The following ABCA1 variants were observed in gnomAD, a reference collection of about 807,000 sequenced individuals.
ABCA1 encodes the protein phospholipid-transporting ATPase ABCA1.
A neutral mutation model predicts 262.5 loss-of-function variants in ABCA1; 133 were observed. The ratio of observed to expected loss-of-function variants is 0.51; its 90% CI spans 0.44 to 0.59. The LOEUF (loss-of-function observed/expected upper bound fraction) is 0.59. Among genes scored for constraint, ABCA1 ranks in the 20% least tolerant of loss-of-function variants. The pLI is 0.00. For synonymous variants in ABCA1, 1,022 were observed against 1,043.5 expected, an observed-to-expected ratio of 0.98 and a Z score of 0.40; for missense variants, 2,452 against 2,777.5, an observed-to-expected ratio of 0.88 and a Z score of 2.63.
chr9:104,854,084 G>A (rs577236500), intron 7 of ABCA1, among the ~76,000 whole-genome samples: 30 of 152,228 alleles, frequency 2.0e-4, no homozygotes, highest in African/African-American at 3.1e-4. Context: ...GACAGGAGGC[G>A]TCAGAGGTTT....
rs780534377 is a variant in ABCA1 at position 104,796,088 on chromosome 9, C to T, written c.5347G>A (p.Val1783Met). ...VNLFIGINGSVATFVLELFTD... is the reference protein window; with the variant it reads ...VNLFIGINGSMATFVLELFTD... ...AACAGCTCCAGCACAAAGGTGGCCA[C>T]GCTGCCATTAATGCCAATGAAGAGG... Residue 1783 changes from valine (V) to methionine (M), a missense_variant, in exon 39 of 50, where the codon GTG becomes ATG. By Grantham distance (21) the Val-to-Met change is conservative. This residue lies in a region of ABCA1 where 752 missense variants were observed against 944.5 expected (regional missense o/e 0.80). Transcript: ENST00000374736. 39 of 1,613,072 alleles carry T rather than the reference C, an allele frequency of 2.4e-5. No homozygotes were observed. The highest frequency in any genetic ancestry group is 8.8e-5 in the South Asian group (8 of 91,046).
chr9:104,883,619 T>C (rs1162032208), intron 4 of ABCA1, among the ~76,000 whole-genome samples: 5 of 152,244 alleles, frequency 3.3e-5, no homozygotes, highest in Non-Finnish European at 7.3e-5. Flanking sequence ...ATATTCATCT[T>C]TATACCAATG....
intron 7 of ABCA1, among the ~76,000 whole-genome samples, chr9:104,848,465 A>T (rs1051081430): frequency 6.6e-6 from 1 of 152,066 alleles, no homozygotes; most frequent in Non-Finnish European, 1.5e-5. Context: ...AAGTACAAAA[A>T]TTAGCCAGGC....
At chr9:104,880,890 C>A (rs933948643) in intron 5 of ABCA1, among the ~76,000 whole-genome samples, 3 of 152,176 alleles carry the variant, frequency 2.0e-5, no homozygotes, top group Non-Finnish European at 4.4e-5. Flanking sequence ...GTGGCTCATG[C>A]CTGTAATCCC....
chr9:104,900,670 T>C (rs1295845012), intron 2 of ABCA1, among the ~76,000 whole-genome samples: 2 of 152,182 alleles, frequency 1.3e-5, no homozygotes, highest in African/African-American at 4.8e-5. Flanking sequence ...TCTGCAACTG[T>C]AGGGCCACCA....
chr9:104,896,665 A>G (rs547113636), intron 2 of ABCA1, among the ~76,000 whole-genome samples: 7 of 146,752 alleles, frequency 4.8e-5, no homozygotes, highest in Admixed American at 2.8e-4. Context: ...CTAAAACTAC[A>G]TATCAAATGA....
At chr9:104,804,434 T>G (rs1378303953) in intron 32 of ABCA1, among the ~76,000 whole-genome samples, 192 bp downstream of exon 32, 2 of 152,228 alleles carry the variant, frequency 1.3e-5, no homozygotes, top group Admixed American at 6.5e-5. Flanking sequence ...GCCTCAGCCT[T>G]GAAGCTGACA....
At chr9:104,875,201 G>A (rs916493906) in intron 5 of ABCA1, among the ~76,000 whole-genome samples, 1 of 151,882 alleles carries the variant, frequency 6.6e-6, no homozygotes, top group African/African-American at 2.4e-5. Flanking sequence ...AAATTAGCAG[G>A]GTGTTGTGGC....
At chr9:104,877,774 C>T (rs1255849236) in intron 5 of ABCA1, among the ~76,000 whole-genome samples, 1 of 152,230 alleles carries the variant, frequency 6.6e-6, no homozygotes, top group Non-Finnish European at 1.5e-5. Flanking sequence ...CCAAAGTTCA[C>T]ACTTCATGAG....
chr9:104,804,697 G>T lies in ABCA1; in HGVS notation c.4488C>A (p.Ile1496=). ...PPQRKQNTAD[I]LQDLTGRNIS... ...TGTTTCTTCCTGTCAGGTCCTGAAG[G>T]ATATCTGCAGTGTTTTGTTTTCTCT... The change falls in exon 32 of 50, where the codon ATC becomes ATA. Residue 1496 remains isoleucine (I), a synonymous_variant. Transcript: ENST00000374736. 6.2e-7 allele frequency: 1 copy of T among 1,614,140 alleles called. No individual in the cohort carries two copies. The highest frequency in any genetic ancestry group is 1.7e-5 in the Admixed American group (1 of 60,024).
chr9:104,907,709 C>T lies in ABCA1; in HGVS notation c.-92-3938G>A, dbSNP rs141060229. On this transcript the variant is annotated intron_variant, in intron 1 of 49. Transcript: ENST00000374736. ...GTGACTCCTGGGACATCCTGAAAAA[C>T]GTAATAGAATCTAAGTCTGTTTCCC... Among the ~76,000 whole-genome samples the T allele has an allele frequency of 2.1e-3, 325 of 152,310 alleles. 1 individual carries two copies. Among genetic ancestry groups the T allele is most frequent in the Middle Eastern group, 0.01 (3 of 294 alleles).
At chr9:104,920,570 G>A (rs1842089487) in intron 1 of ABCA1, among the ~76,000 whole-genome samples, 2 of 152,128 alleles carry the variant, frequency 1.3e-5, no homozygotes, top group African/African-American at 4.8e-5. Context: ...TCTGTGCAGT[G>A]GCACCATCTC....
chr9:104,882,365 T>G (rs1838759205), intron 5 of ABCA1, among the ~76,000 whole-genome samples: 1 of 152,242 alleles, frequency 6.6e-6, no homozygotes, highest in South Asian at 2.1e-4. Flanking sequence ...CTGGCTGCAC[T>G]CAGCCAGCTG....
chr9:104,829,242 G>T, intron 14 of ABCA1, 104 bp from the exon 15 acceptor site: 1 of 1,126,054 alleles, frequency 8.9e-7, no homozygotes, highest in South Asian at 1.3e-5. Flanking sequence ...CACCACATCT[G>T]GGCCACAGAA....
At chr9:104,804,747 C>G in intron 31 of ABCA1, 27 bp from the exon 32 acceptor site, 6 of 1,568,906 alleles carry the variant, frequency 3.8e-6, no homozygotes, top group Non-Finnish European at 5.3e-6. Context: ...ACCAAGCATA[C>G]GGGTCTTTAT....
Position 104,814,120 on chromosome 9 carries a change from G to A in ABCA1, c.3899C>T (p.Pro1300Leu), listed in dbSNP as rs1265092441. The A allele has an allele frequency of 6.2e-7, 1 of 1,613,912 alleles. No homozygotes were observed. Among genetic ancestry groups the A allele is most frequent in the Non-Finnish European group, 8.5e-7 (1 of 1,179,866 alleles). Residue 1300 changes from proline to leucine, a missense_variant and splice_region_variant, in exon 27 of 50, where the codon CCA becomes CTA. Pro to Leu is a moderately conservative substitution (Grantham distance 98). Coordinates refer to ENST00000374736, the MANE Select transcript of ABCA1 (RefSeq NM_005502.4). The part of the protein sequence containing the change: ...AADPNDSDID[P>L]ESRETDLLSG... ...TGTTTGATCTTGCCCTAACAGACCT[G>A]GGTCTATGTCAGAATCATTTGGATC... is the stretch of plus-strand genomic sequence containing the variant.
At chr9:104,850,552 T>C (rs929361105) in intron 7 of ABCA1, among the ~76,000 whole-genome samples, 1 of 152,280 alleles carries the variant, frequency 6.6e-6, no homozygotes, top group Non-Finnish European at 1.5e-5. Context: ...GTAAAGAATC[T>C]ATGTTGGCCT....
At chr9:104,854,960 A>C (rs531941433) in intron 7 of ABCA1, among the ~76,000 whole-genome samples, 31 of 152,352 alleles carry the variant, frequency 2.0e-4, no homozygotes, top group Admixed American at 1.8e-3. Flanking sequence ...TTTAAGTAAA[A>C]AGCAGAGAAC....
chr9:104,853,223 T>C (rs1292003372), intron 7 of ABCA1, among the ~76,000 whole-genome samples: 1 of 152,164 alleles, frequency 6.6e-6, no homozygotes, highest in Non-Finnish European at 1.5e-5. Flanking sequence ...TTCTTTTTTT[T>C]CCCCACGTTA....
Sources: gnomAD v4.1 joint callset for allele counts (sites outside exome capture counted in the v4.1 genomes callset) on GRCh38, gnomAD v4.1.1 for gene constraint, gnomAD v4.1.1 regional missense constraint, MANE v1.5 for transcripts, NCBI Gene and HGNC (gene_info 2026-07-23, HGNC 2026-07-21) for gene names.